MTUS2: variants seen among roughly 807,000 people sequenced by gnomAD.
The protein encoded by MTUS2 is microtubule associated scaffold protein 2, also known as microtubule-associated tumor suppressor candidate 2.
A neutral mutation model predicts 114.1 loss-of-function variants in MTUS2; 40 were observed. That is an observed-to-expected ratio of 0.35 (90% CI 0.27 to 0.46). MTUS2 has a LOEUF of 0.46. MTUS2 is among the 20% of genes least tolerant of loss of function. The probability of loss-of-function intolerance (pLI) is 1.00; values close to 1 mark genes in which losing one functional copy is unlikely to be tolerated. For synonymous variants in MTUS2, 688 were observed against 672.0 expected (o/e 1.02, Z -0.37); for missense variants, 1,679 against 1,705.4 (o/e 0.98, Z 0.27).
At chr13:29,042,177 G>C (rs542840155) in intron 4 of MTUS2, among the ~76,000 whole-genome samples, 11 of 152,166 alleles carry the variant, frequency 7.2e-5, no homozygotes, top group Non-Finnish European at 1.5e-4. Context: ...AATCATAAAG[G>C]GATGGTGGAT....
At chr13:29,212,928 T>G (rs1895510756) in intron 5 of MTUS2, among the ~76,000 whole-genome samples, 1 of 152,130 alleles carries the variant, frequency 6.6e-6, no homozygotes, top group South Asian at 2.1e-4. Flanking sequence ...AGCTGAAAGT[T>G]CCAAGCTTCT....
intron 5 of MTUS2, among the ~76,000 whole-genome samples, chr13:29,274,669 T>C (rs1276146405): frequency 1.3e-5 from 2 of 152,214 alleles, no homozygotes; most frequent in African/African-American, 2.4e-5. Context: ...TTTGGAGAAA[T>C]GTTTATTCAA....
At chr13:29,314,171 A>G (rs1214338830) in intron 6 of MTUS2, among the ~76,000 whole-genome samples, 1 of 152,232 alleles carries the variant, frequency 6.6e-6, no homozygotes, top group Non-Finnish European at 1.5e-5. Flanking sequence ...GCCATGCCAC[A>G]GCCCTAGAAA....
chr13:29,101,826 C>T (rs1536717), intron 5 of MTUS2, among the ~76,000 whole-genome samples: 102,242 of 152,062 alleles, frequency 0.67, 35,075 homozygotes, highest in Non-Finnish European at 0.74. Flanking sequence ...AGAGAGAGAT[C>T]GATTGATTTG....
intron 8 of MTUS2, among the ~76,000 whole-genome samples, chr13:29,408,324 A>G (rs908900304): frequency 2.0e-5 from 3 of 152,136 alleles, no homozygotes; most frequent in Non-Finnish European, 4.4e-5. Context: ...GTTTAAAAAA[A>G]AATTATTTTG....
At chr13:29,491,193 G>C (rs1432005851) in intron 11 of MTUS2, among the ~76,000 whole-genome samples, 3 of 88,088 alleles carry the variant, frequency 3.4e-5, no homozygotes, top group African/African-American at 7.4e-5. Context: ...TGTATGTGGT[G>C]TATGGTGGGG....
At chr13:29,038,443 C>G (rs1297910080) in intron 4 of MTUS2, among the ~76,000 whole-genome samples, 1 of 152,188 alleles carries the variant, frequency 6.6e-6, no homozygotes, top group Non-Finnish European at 1.5e-5. Context: ...CCTCCAGATA[C>G]CAGCCGGAGC....
rs1218888060 is a variant in MTUS2, at chr13:28,994,500, A to G, written c.-242-29957A>G. Among the ~76,000 whole-genome samples, 5 of 152,338 alleles carry G rather than the reference A, an allele frequency of 3.3e-5. No homozygotes were observed. The East Asian group carries it at 7.7e-4, about 23-fold the overall frequency. On this transcript the variant is annotated intron_variant, in intron 2 of 15. Coordinates refer to ENST00000612955, the MANE Select transcript of MTUS2 (RefSeq NM_001033602.4). ...ACACCGACTTCCACATGGTTGAACTAGTTTACAGTCCCACCAATGGTGTAA... is the reference window on the plus strand; with the variant it reads ...ACACCGACTTCCACATGGTTGAACTGGTTTACAGTCCCACCAATGGTGTAA...
At chr13:29,101,083 T>G in intron 5 of MTUS2, 113 bp downstream of exon 5, 9 of 1,121,298 alleles carry the variant, frequency 8.0e-6, no homozygotes, top group South Asian at 1.7e-5. Context: ...TCACCTCCCT[T>G]AGCTTCCCAT....
At chr13:29,093,134 A>C (rs545835140) in intron 4 of MTUS2, among the ~76,000 whole-genome samples, 3 of 152,292 alleles carry the variant, frequency 2.0e-5, no homozygotes, top group African/African-American at 4.8e-5. Flanking sequence ...AGTGAAAACA[A>C]ACAAACAAAC....
chr13:28,981,409 G>A (rs980992856), intron 2 of MTUS2, among the ~76,000 whole-genome samples: 1 of 152,162 alleles, frequency 6.6e-6, no homozygotes, highest in African/African-American at 2.4e-5. Context: ...GGCACAGGGA[G>A]GGTTGACTAC....
intron 5 of MTUS2, among the ~76,000 whole-genome samples, chr13:29,162,150 A>G (rs1269855372): frequency 1.3e-5 from 2 of 152,024 alleles, no homozygotes; most frequent in African/African-American, 2.4e-5. Context: ...CCCCCTTATT[A>G]TAAGAACACC....
intron 2 of MTUS2, among the ~76,000 whole-genome samples, chr13:29,012,381 G>A (rs916617396): frequency 3.3e-5 from 5 of 152,232 alleles, no homozygotes; most frequent in Non-Finnish European, 4.4e-5. Flanking sequence ...GGGATTCTCC[G>A]GCAGCTACTC....
In MTUS2 at chr13:29,389,779, ATG is replaced by A. The variant is rs1484798998; in HGVS notation, c.3117+30312_3117+30313del. On this transcript the variant is annotated intron_variant, in intron 8 of 15. Transcript: ENST00000612955. ...TGTGTGTATATGTATATACATACAT[ATG>A]TGTGTATATGTATATACATACATAT... is the stretch of plus-strand genomic sequence containing the variant. Among the ~76,000 whole-genome samples, 239 of 107,798 alleles carry A rather than the reference ATG, an allele frequency of 2.2e-3. 92 individuals are homozygous for A. Among genetic ancestry groups the A allele is most frequent in the Middle Eastern group, 0.013 (2 of 160 alleles). The allele number at this position is 107,798 out of a possible 152,430, so 70.7% of individuals were successfully genotyped here. A position where few individuals can be genotyped will look rare whatever the true frequency, so the allele number is the denominator to read the frequency against.
intron 2 of MTUS2, among the ~76,000 whole-genome samples, chr13:28,995,758 C>T (rs960511734): frequency 2.3e-4 from 35 of 152,184 alleles, no homozygotes; most frequent in Non-Finnish European, 4.4e-4. Context: ...TATCCTGAGA[C>T]TTTGCTGAAG....
At chr13:29,037,372 A>G (rs1887131119) in intron 4 of MTUS2, among the ~76,000 whole-genome samples, 1 of 152,160 alleles carries the variant, frequency 6.6e-6, no homozygotes, top group South Asian at 2.1e-4. Context: ...GTTTCTGCTG[A>G]GAGATCCACT....
At chr13:28,881,051 G>A (rs925356660) in intron 2 of MTUS2, among the ~76,000 whole-genome samples, 1 of 152,082 alleles carries the variant, frequency 6.6e-6, no homozygotes, top group Non-Finnish European at 1.5e-5. Flanking sequence ...TAGTGGTGAG[G>A]TTTTGGCTTC....
At chr13:28,841,331 A>G (rs1439528407) in intron 2 of MTUS2, among the ~76,000 whole-genome samples, 2 of 152,222 alleles carry the variant, frequency 1.3e-5, no homozygotes, top group Non-Finnish European at 2.9e-5. Context: ...TGAGGAAATT[A>G]GAACAGATAG....
intron 5 of MTUS2, among the ~76,000 whole-genome samples, chr13:29,175,430 A>G (rs1045649281): frequency 6.6e-5 from 10 of 152,240 alleles, no homozygotes; most frequent in Admixed American, 6.5e-4. Context: ...AAAAAATAAC[A>G]ATACTCCATT....
Sources: gnomAD v4.1 joint callset for allele counts (sites outside exome capture counted in the v4.1 genomes callset) on GRCh38, gnomAD v4.1.1 for gene constraint, MANE v1.5 for transcripts, NCBI Gene and HGNC (gene_info 2026-07-23, HGNC 2026-07-21) for gene names.